Variants in HERC1 observed in about 807,000 individuals in gnomAD.
HERC1 encodes the protein probable E3 ubiquitin-protein ligase HERC1.
Under a neutral mutation model 554.3 loss-of-function variants are expected in HERC1, and 160 were observed. The ratio of observed to expected loss-of-function variants is 0.29; its 90% confidence interval spans 0.25 to 0.33. The LOEUF is 0.33. Among genes scored for constraint, HERC1 ranks in the 10% least tolerant of loss-of-function variants. HERC1 has a pLI of 1.00. For missense variants in HERC1, 4,919 were observed against 5,918.5 expected (o/e 0.83, Z 5.54); for synonymous variants, 2,175 against 2,131.7 (o/e 1.02, Z -0.56).
intron 4 of HERC1, among the ~76,000 whole-genome samples, chr15:63,757,634 T>C (rs761897242): frequency 2.6e-5 from 4 of 152,154 alleles, no homozygotes. Flanking sequence ...CTTAACACTT[T>C]TTAAAAATCG....
intron 18 of HERC1, among the ~76,000 whole-genome samples, chr15:63,724,092 T>C (rs917337996): frequency 6.6e-6 from 1 of 152,240 alleles, no homozygotes; most frequent in African/African-American, 2.4e-5. Context: ...AATAGTTTCA[T>C]GATTTTATAA....
At chr15:63,701,471 G>C (rs1228182937) in intron 25 of HERC1, among the ~76,000 whole-genome samples, 1 of 152,208 alleles carries the variant, frequency 6.6e-6, no homozygotes, top group Non-Finnish European at 1.5e-5. Flanking sequence ...GGGCCAGACA[G>C]TAAATATTTT....
At chr15:63,648,009 T>A in intron 55 of HERC1, 60 bp downstream of exon 55, 1 of 1,326,016 alleles carries the variant, frequency 7.5e-7, no homozygotes, top group Non-Finnish European at 1.1e-6. Context: ...GTGTAATCTA[T>A]GCATGTAACA....
chr15:63,793,885 T>C (rs996402690), intron 1 of HERC1, among the ~76,000 whole-genome samples: 3 of 152,050 alleles, frequency 2.0e-5, no homozygotes, highest in African/African-American at 7.2e-5. Context: ...TCCCAGACGG[T>C]TAAGGCATTC....
At position 63,793,145 on chromosome 15, in the gene HERC1, A is replaced by C. The variant is rs115611256; in HGVS notation, c.-26-17496T>G. Among the ~76,000 whole-genome samples the C allele has an allele frequency of 8.2e-3, 1,243 of 152,364 alleles. 19 individuals are homozygous for C. The highest frequency in any genetic ancestry group is 0.029 in the African/African-American group (1,204 of 41,590). ...AGGAACTGCCAGAGGCGTCTGAACC[A>C]GAGCAACTCCATCTTGAGTAGGGAC... On this transcript the variant is annotated intron_variant, in intron 1 of 77. Coordinates refer to ENST00000443617, the MANE Select transcript of HERC1 (RefSeq NM_003922.4).
At chr15:63,671,000 G>A (rs995292646) in intron 39 of HERC1, among the ~76,000 whole-genome samples, 1 of 151,916 alleles carries the variant, frequency 6.6e-6, no homozygotes, top group Admixed American at 6.6e-5. Context: ...TTGGGAGTTC[G>A]AGACCAGCCT....
chr15:63,786,311 C>T (rs577626568), intron 1 of HERC1, among the ~76,000 whole-genome samples: 3 of 149,058 alleles, frequency 2.0e-5, no homozygotes, highest in East Asian at 2.0e-4. Flanking sequence ...GAAGAAGAAT[C>T]GAAAGACAGC....
intron 1 of HERC1, among the ~76,000 whole-genome samples, chr15:63,781,305 T>C (rs1037016451): frequency 3.9e-5 from 6 of 152,218 alleles, no homozygotes; most frequent in African/African-American, 1.4e-4. Flanking sequence ...TTTTTACAAA[T>C]TGAAGGTTTA....
At chr15:63,670,344 C>T (rs2070845369) in intron 39 of HERC1, among the ~76,000 whole-genome samples, 1 of 152,180 alleles carries the variant, frequency 6.6e-6, no homozygotes, top group African/African-American at 2.4e-5. Context: ...GAAATGTGGA[C>T]AGCAGTCAGA....
In HERC1 at chr15:63,680,437, G is replaced by A. The variant is rs528434379; in HGVS notation, c.6465+100C>T. On this transcript the variant is annotated intron_variant, in intron 35 of 77. Coordinates refer to ENST00000443617, the MANE Select transcript of HERC1 (RefSeq NM_003922.4). This position sits in a 1 kb window ranked among gnomAD's most constrained non-coding sequence, Gnocchi z 5.8. ...AAAGTATTAGAGAGAAAGGAGAGAC[G>A]AGCAGATAATCTATAAACTGAATAC... 7.8e-5 allele frequency: 96 copies of A among 1,229,524 alleles called. No homozygotes were observed. The South Asian group carries it at 1.1e-3, about 14-fold the overall frequency. The allele number at this position is 1,229,524 out of a possible 1,614,324, so 76.2% of individuals were successfully genotyped here.
At position 63,753,428 on chromosome 15, in the gene HERC1, C is replaced by T. The variant is rs568756372; in HGVS notation, c.1775-343G>A. ...TGACAAAATATACAGGTACTATATG[C>T]GTATAATTTTTCATAAACTTTAAAA... On this transcript the variant is annotated intron_variant, in intron 7 of 77. Transcript: ENST00000443617. Among the ~76,000 whole-genome samples the T allele has an allele frequency of 1.4e-4, 22 of 151,900 alleles. No individual in the cohort carries two copies. The Middle Eastern group carries it at 0.014, about 94-fold the overall frequency.
At chr15:63,779,494 G>A (rs149525266) in intron 1 of HERC1, 2 of 152,210 alleles carry the variant, frequency 1.3e-5, no homozygotes, top group African/African-American at 2.4e-5. Context: ...CACTAATAAC[G>A]TGAGACATGA....
intron 46 of HERC1, among the ~76,000 whole-genome samples, 176 bp from the exon 47 acceptor site, chr15:63,660,112 A>T (rs562808738): frequency 3.3e-4 from 50 of 152,274 alleles, no homozygotes; most frequent in African/African-American, 1.2e-3. Context: ...TGAGGTCAGG[A>T]ATTTGAGACC....
chr15:63,694,239 G>A lies in HERC1; in HGVS notation c.5480+73C>T, dbSNP rs1041353925. 6 of 1,564,306 alleles carry A rather than the reference G, an allele frequency of 3.8e-6. No individual in the cohort carries two copies. The African/African-American group carries it at 6.8e-5, about 18-fold the overall frequency. ...GCTTAAATACATAAAGCAGATTAGA[G>A]GGAAAGGGGGAATTCTAAAATGGAG... On this transcript the variant is annotated intron_variant, in intron 29 of 77. Transcript: ENST00000443617. This position sits in a 1 kb window ranked among gnomAD's most constrained non-coding sequence, Gnocchi z 4.3.
rs556031546 is a variant in HERC1, at chr15:63,723,389, T to C, written c.3569-34A>G. On this transcript the variant is annotated intron_variant, in intron 18 of 77. Transcript: ENST00000443617. Reference sequence around the variant, plus strand: ...AATACTCACGTTACCAATTTTAACATCATAAATTTTGGTGCTACAGATAAA... The same window carrying C: ...AATACTCACGTTACCAATTTTAACACCATAAATTTTGGTGCTACAGATAAA... 4.9e-6 allele frequency: 7 copies of C among 1,419,836 alleles called. No individual in the cohort carries two copies. The Admixed American group carries it at 7.6e-5, about 15-fold the overall frequency. The allele number at this position is 1,419,836 out of a possible 1,614,324, so 88.0% of individuals were successfully genotyped here.
Position 63,732,787 on chromosome 15 carries a change from C to G in HERC1, c.2868+137G>C, listed in dbSNP as rs958073796. ...TTTGTCCCCACAATATTTCAGAAAC[C>G]CTGACATGTTTTTCCCCTTGGGGGA... On this transcript the variant is annotated intron_variant, in intron 14 of 77. Transcript: ENST00000443617. 19 of 606,262 alleles carry G rather than the reference C, an allele frequency of 3.1e-5. No homozygotes were observed. In the African/African-American group the frequency reaches 3.2e-4, roughly 10 times the overall value. 37.6% of individuals were successfully genotyped at this position (606,262 alleles called of 1,614,324 possible).
At chr15:63,783,231 C>A (rs2076337793) in intron 1 of HERC1, among the ~76,000 whole-genome samples, 1 of 152,040 alleles carries the variant, frequency 6.6e-6, no homozygotes, top group Non-Finnish European at 1.5e-5. Context: ...AAAGGAGGAG[C>A]CAATCAATGC....
rs1446639877 is a variant in HERC1, at chr15:63,653,997, T to C, written c.10290+122A>G. On this transcript the variant is annotated intron_variant, in intron 51 of 77. Transcript: ENST00000443617. ...ATCTTTGTAATTGTGTGCATGTGTA[T>C]GTGTACGTGTGAAAGAGAGTGACAC... The C allele has an allele frequency of 4.2e-6, 3 of 710,240 alleles. No individual in the cohort carries two copies. In the African/African-American group the frequency reaches 5.2e-5, roughly 12 times the overall value. 44.0% of individuals were successfully genotyped at this position (710,240 alleles called of 1,614,324 possible).
At chr15:63,683,530 G>A (rs528840175) in intron 34 of HERC1, among the ~76,000 whole-genome samples, 1 of 152,310 alleles carries the variant, frequency 6.6e-6, no homozygotes, top group East Asian at 1.9e-4. Context: ...TCTAGCCTAA[G>A]TACATATTTC....
Sources: gnomAD v4.1 joint callset for allele counts (sites outside exome capture counted in the v4.1 genomes callset) on GRCh38, gnomAD v4.1.1 for gene constraint, Gnocchi (gnomAD v3.1) non-coding constraint, MANE v1.5 for transcripts, NCBI Gene and HGNC (gene_info 2026-07-23, HGNC 2026-07-21) for gene names.